VAV3: variants seen among roughly 807,000 people sequenced by gnomAD.
VAV3 encodes guanine nucleotide exchange factor VAV3.
Under a neutral mutation model 131.2 loss-of-function variants are expected in VAV3, and 94 were observed. The ratio of observed to expected loss-of-function variants is 0.72; its 90% CI spans 0.61 to 0.85. The LOEUF (loss-of-function observed/expected upper bound fraction) is 0.85. Ranked by LOEUF, VAV3 falls within the 40% of genes least tolerant of loss-of-function variation. The probability of loss-of-function intolerance (pLI) is 0.00; values close to 1 mark genes in which losing one functional copy is unlikely to be tolerated. For missense variants in VAV3, 939 were observed against 1,002.7 expected (o/e 0.94, Z 0.86); for synonymous variants, 349 against 342.0 (o/e 1.02, Z -0.22).
intron 7 of VAV3, among the ~76,000 whole-genome samples, 192 bp downstream of exon 7, chr1:107,768,249 G>T (rs948827306): frequency 6.6e-6 from 1 of 152,152 alleles, no homozygotes; most frequent in South Asian, 2.1e-4. Context: ...ACTGACTTTT[G>T]GTTGAAGATA....
At chr1:107,691,337 G>A (rs1659410142) in intron 17 of VAV3, among the ~76,000 whole-genome samples, 1 of 152,112 alleles carries the variant, frequency 6.6e-6, no homozygotes, top group South Asian at 2.1e-4. Context: ...AAGTTTTGAA[G>A]CCTGCAACCC....
At chr1:107,777,049 C>G (rs1003470298) in intron 4 of VAV3, among the ~76,000 whole-genome samples, 182 bp downstream of exon 4, 4 of 152,184 alleles carry the variant, frequency 2.6e-5, no homozygotes, top group African/African-American at 9.7e-5. Context: ...GGACACAAAA[C>G]AGGAACTAAA....
intron 1 of VAV3, among the ~76,000 whole-genome samples, chr1:107,961,636 T>A (rs1298804933): frequency 1.3e-5 from 2 of 152,152 alleles, no homozygotes; most frequent in Non-Finnish European, 2.9e-5. Context: ...CTTTAACCTA[T>A]CATAAATAAA....
At chr1:107,635,269 A>G (rs1654827652) in intron 20 of VAV3, among the ~76,000 whole-genome samples, 1 of 152,168 alleles carries the variant, frequency 6.6e-6, no homozygotes, top group South Asian at 2.1e-4. Flanking sequence ...GCAGATATAC[A>G]CCAAGGAATA....
At chr1:107,865,527 T>C (rs1299067914) in intron 2 of VAV3, among the ~76,000 whole-genome samples, 1 of 152,126 alleles carries the variant, frequency 6.6e-6, no homozygotes, top group Non-Finnish European at 1.5e-5. Context: ...GTCATGATGA[T>C]TTATAATTTG....
rs557327897 is a variant in VAV3 at position 107,802,244 on chromosome 1, G to GTT, written c.322-22754_322-22753dup. 8.1e-3 allele frequency among the ~76,000 whole-genome samples: 1,228 copies of GTT among 151,626 alleles called. 14 individuals are homozygous for GTT. Among genetic ancestry groups the GTT allele is most frequent in the African/African-American group, 0.028 (1,164 of 41,402 alleles). On this transcript the variant is annotated intron_variant, in intron 2 of 26. Transcript: ENST00000370056. ...CTTATTCTTTTTTTGTTCTAACAGG[G>GTT]TTTTTTTTGTGGACTCTTTAGATTT...
At chr1:107,612,305 C>A (rs1234095562) in intron 21 of VAV3, among the ~76,000 whole-genome samples, 2 of 151,884 alleles carry the variant, frequency 1.3e-5, no homozygotes, top group Non-Finnish European at 2.9e-5. Flanking sequence ...AATAAACTAT[C>A]ACGATTTCAT....
At chr1:107,868,892 GA>G in intron 2 of VAV3, among the ~76,000 whole-genome samples, 1 of 152,254 alleles carries the variant, frequency 6.6e-6, no homozygotes, top group South Asian at 2.1e-4. Context: ...TTGGTTCATG[GA>G]AAAACCTATA....
In VAV3 at chr1:107,574,059, T is replaced by C. The variant is rs1649442906; in HGVS notation, c.2490A>G (p.Glu830=). Residue 830 remains glutamate (E), a synonymous_variant, in exon 26 of 27, where the codon GAA becomes GAG. Transcript: ENST00000370056. Reference sequence around the variant, plus strand: ...AGGGCCAACTTACCCTGCCATTTACTTCTCCTCTCCACCAGCCATTTGCAC... The same window carrying C: ...AGGGCCAACTTACCCTGCCATTTACCTCTCCTCTCCACCAGCCATTTGCAC... The part of the protein sequence containing the change: ...KMSANGWWRG[E]VNGRVGWFPS... 3 of 1,614,122 alleles carry C rather than the reference T, an allele frequency of 1.9e-6. No individual in the cohort carries two copies. The East Asian group carries it at 6.7e-5, about 36-fold the overall frequency.
chr1:107,598,580 G>A (rs1475625107), intron 24 of VAV3, among the ~76,000 whole-genome samples: 1 of 152,052 alleles, frequency 6.6e-6, no homozygotes, highest in Non-Finnish European at 1.5e-5. Flanking sequence ...CAAGAAATTT[G>A]TAATCAGACC....
intron 4 of VAV3, among the ~76,000 whole-genome samples, chr1:107,774,123 G>A (rs1360361358): frequency 6.6e-6 from 1 of 152,092 alleles, no homozygotes; most frequent in Non-Finnish European, 1.5e-5. Flanking sequence ...CTGGAGTACG[G>A]TGGTGCAGTC....
intron 2 of VAV3, among the ~76,000 whole-genome samples, chr1:107,782,477 C>G (rs2102237719): frequency 6.6e-6 from 1 of 152,282 alleles, no homozygotes; most frequent in Admixed American, 6.5e-5. Flanking sequence ...AATCAACAAG[C>G]TGAGACCAAC....
intron 15 of VAV3, among the ~76,000 whole-genome samples, chr1:107,740,646 G>A (rs1028706327): frequency 3.3e-5 from 5 of 152,072 alleles, no homozygotes; most frequent in African/African-American, 7.2e-5. Context: ...AGGCCACAGC[G>A]TGGTTTCATT....
intron 2 of VAV3, among the ~76,000 whole-genome samples, chr1:107,801,953 T>A (rs1314474482): frequency 6.6e-6 from 1 of 152,138 alleles, no homozygotes; most frequent in Non-Finnish European, 1.5e-5. Context: ...GTTTCTTTTT[T>A]TTATTATTAT....
intron 1 of VAV3, among the ~76,000 whole-genome samples, chr1:107,953,105 C>T (rs548315582): frequency 1.3e-5 from 2 of 152,256 alleles, no homozygotes; most frequent in East Asian, 3.9e-4. Flanking sequence ...CTGAATTTGG[C>T]AGCAGGAACG....
intron 19 of VAV3, among the ~76,000 whole-genome samples, chr1:107,656,425 A>G (rs1028617244): frequency 3.9e-5 from 6 of 152,178 alleles, no homozygotes; most frequent in African/African-American, 1.4e-4. Flanking sequence ...GAATTCATGA[A>G]GATAGAGTAT....
intron 1 of VAV3, among the ~76,000 whole-genome samples, chr1:107,894,292 A>G (rs1481219901): frequency 6.6e-6 from 1 of 152,226 alleles, no homozygotes; most frequent in African/African-American, 2.4e-5. Flanking sequence ...TTTTAAAGCT[A>G]GATAAAAATG....
rs1192974517 is a variant in VAV3 at position 107,573,292 on chromosome 1, C to T, written c.*39G>A. 2.0e-5 allele frequency: 32 copies of T among 1,609,668 alleles called. No homozygotes were observed. The highest frequency in any genetic ancestry group is 2.7e-5 in the Non-Finnish European group (32 of 1,178,582). ...GTGCAGGCTTCTATTTATCCCTTCT[C>T]TGAAATTTTTGGTGCAGGGTGCAAC... On this transcript the variant is annotated 3_prime_UTR_variant, in exon 27 of 27. Coordinates refer to ENST00000370056, the MANE Select transcript of VAV3 (RefSeq NM_006113.5).
intron 2 of VAV3, among the ~76,000 whole-genome samples, chr1:107,809,079 C>T (rs903672533): frequency 6.6e-5 from 10 of 152,156 alleles, no homozygotes; most frequent in South Asian, 6.2e-4. Flanking sequence ...TCAGATCATG[C>T]GTCTGCTCCT....
Sources: allele counts gnomAD v4.1 joint callset (sites outside exome capture counted in the v4.1 genomes callset), GRCh38; gene constraint gnomAD v4.1.1; transcripts MANE v1.5; gene names NCBI Gene and HGNC (gene_info 2026-07-23, HGNC 2026-07-21).